Variants in BTBD3 observed in about 807,000 individuals in gnomAD.
BTBD3 encodes BTB domain containing 3.
A neutral mutation model predicts 41.6 loss-of-function variants in BTBD3; 14 were observed. That is an observed-to-expected ratio of 0.34 (90% CI 0.22 to 0.53). The LOEUF is 0.53. Ranked by LOEUF, BTBD3 falls within the 20% of genes least tolerant of loss-of-function variation. The pLI, the probability that BTBD3 is intolerant of heterozygous loss-of-function variation, is 0.95. For synonymous variants in BTBD3, 249 were observed against 233.7 expected (o/e 1.07, Z -0.60); for missense variants, 426 against 654.7 (o/e 0.65, Z 3.81).
chr20:11,918,937 C>G, intron 1 of BTBD3, 149 bp from the exon 2 acceptor site: 1 of 615,784 alleles, frequency 1.6e-6, no homozygotes, highest in Non-Finnish European at 2.8e-6. Flanking sequence ...TGATTATGAA[C>G]AGTTTAGTTA....
Position 11,923,342 on chromosome 20 carries a change from C to T in BTBD3, c.1245C>T (p.Ser415=). Residue 415 remains serine (S), a synonymous_variant, in exon 4 of 4, where the codon TCC becomes TCT. Coordinates refer to ENST00000378226, the MANE Select transcript of BTBD3 (RefSeq NM_014962.4). This position sits in a 1 kb window ranked among gnomAD's most constrained non-coding sequence, Gnocchi z 5.3. ...VFIAGFGLYG[S]SCGSAEYSAK... Reference sequence around the variant, plus strand: ...TTGCTGGCTTTGGGCTGTATGGCTCCAGCTGTGGTTCTGCAGAATACAGTG... The same window carrying T: ...TTGCTGGCTTTGGGCTGTATGGCTCTAGCTGTGGTTCTGCAGAATACAGTG... 3 of 1,614,192 alleles carry T rather than the reference C, an allele frequency of 1.9e-6. No homozygotes were observed. The highest frequency in any genetic ancestry group is 1.1e-5 in the South Asian group (1 of 91,080).
chr20:11,906,332 G>C (rs760527726), intron 1 of BTBD3, among the ~76,000 whole-genome samples: 6 of 130,398 alleles, frequency 4.6e-5, no homozygotes, highest in African/African-American at 1.5e-4. Flanking sequence ...TGGTGTTATC[G>C]GTGCTCACTG....
At chr20:11,897,967 G>A (rs1256728750) in intron 1 of BTBD3, among the ~76,000 whole-genome samples, 3 of 152,034 alleles carry the variant, frequency 2.0e-5, no homozygotes, top group Admixed American at 6.6e-5. Context: ...AGACCAGCCC[G>A]GCCAACATGG....
chr20:11,897,124 T>C (rs1277856263), intron 1 of BTBD3, among the ~76,000 whole-genome samples: 2 of 152,200 alleles, frequency 1.3e-5, no homozygotes, highest in Non-Finnish European at 2.9e-5. Flanking sequence ...GGTTTTCTCT[T>C]CTCACCAGCC....
intron 2 of BTBD3, 197 bp downstream of exon 2, chr20:11,919,373 A>T (rs1015498247): frequency 5.0e-6 from 7 of 1,412,692 alleles, no homozygotes; most frequent in Admixed American, 6.0e-5. Context: ...ACTGCTTTAT[A>T]TCTCACACAT....
chr20:11,919,268 A>G (rs2056944207), intron 2 of BTBD3, 92 bp downstream of exon 2: 2 of 1,388,298 alleles, frequency 1.4e-6, no homozygotes, highest in Non-Finnish European at 2.0e-6. Context: ...CAGCTTGCCG[A>G]TGTCAGGCAG....
chr20:11,898,629 T>C (rs1350244272), intron 1 of BTBD3, among the ~76,000 whole-genome samples: 1 of 152,236 alleles, frequency 6.6e-6, no homozygotes, highest in Non-Finnish European at 1.5e-5. Context: ...AGATGCTCAG[T>C]AAATATTTTT....
chr20:11,905,245 G>A (rs1383337558), intron 1 of BTBD3, among the ~76,000 whole-genome samples: 1 of 152,014 alleles, frequency 6.6e-6, no homozygotes, highest in Non-Finnish European at 1.5e-5. Flanking sequence ...ACCTTAGTCT[G>A]AATAAGCATA....
intron 3 of BTBD3, among the ~76,000 whole-genome samples, chr20:11,921,070 T>C (rs1366628188): frequency 6.6e-6 from 1 of 152,250 alleles, no homozygotes; most frequent in Non-Finnish European, 1.5e-5. Flanking sequence ...AAACCAGTTT[T>C]ACCTGCAAGT....
chr20:11,904,418 C>T (rs1479372878), intron 1 of BTBD3, among the ~76,000 whole-genome samples: 1 of 152,156 alleles, frequency 6.6e-6, no homozygotes, highest in Non-Finnish European at 1.5e-5. Flanking sequence ...GTCCCTCCCT[C>T]AACATTGGGG....
At chr20:11,914,584 C>T (rs949294681), upstream of BTBD3, among the ~76,000 whole-genome samples, 2 of 151,604 alleles carry the variant, frequency 1.3e-5, no homozygotes, top group Non-Finnish European at 2.9e-5. Context: ...TGTAACTAAC[C>T]TGCACATTGT....
chr20:11,912,718 CAT>C (rs1197490052), intron 1 of BTBD3, among the ~76,000 whole-genome samples: 1 of 152,190 alleles, frequency 6.6e-6, no homozygotes, highest in Admixed American at 6.5e-5. Flanking sequence ...TTTCACAAAA[CAT>C]ATAATCTTGC....
chr20:11,897,127 C>T (rs1383151681), intron 1 of BTBD3, among the ~76,000 whole-genome samples: 1 of 152,156 alleles, frequency 6.6e-6, no homozygotes, highest in African/African-American at 2.4e-5. Flanking sequence ...TTTCTCTTCT[C>T]ACCAGCCTAT....
At chr20:11,896,193 A>C (rs551276040) in intron 1 of BTBD3, among the ~76,000 whole-genome samples, 1 of 152,170 alleles carries the variant, frequency 6.6e-6, no homozygotes. Flanking sequence ...ATGACCTTTT[A>C]TCTCTCAGCA....
intron 1 of BTBD3, chr20:11,891,206 G>A: frequency 6.5e-6 from 1 of 153,962 alleles, no homozygotes; most frequent in Non-Finnish European, 1.4e-5. Flanking sequence ...GGGGCGCGTC[G>A]GGCCCGCGCG....
Position 11,917,973 on chromosome 20 carries a change from A to G in BTBD3, c.-303A>G. The G allele has an allele frequency of 9.2e-7, 1 of 1,084,748 alleles. No individual in the cohort carries two copies. Among genetic ancestry groups the G allele is most frequent in the Non-Finnish European group, 1.1e-6 (1 of 893,196 alleles). 67.2% of individuals were successfully genotyped at this position (1,084,748 alleles called of 1,614,324 possible). On this transcript the variant is annotated 5_prime_UTR_variant, in exon 1 of 4. Transcript: ENST00000378226. ...ACCTAATTCAGAAAAGAAGTGCTAC[A>G]GCTCTGTGCCTGTCATCTTTGCAGT...
At chr20:11,913,139 AAACCTCTGTT>A (rs1265153728), upstream of BTBD3, among the ~76,000 whole-genome samples, 1 of 152,244 alleles carries the variant, frequency 6.6e-6, no homozygotes, top group Non-Finnish European at 1.5e-5. Context: ...TACCTTGTTT[AAACCTCTGTT>A]AACCTCACTG....
At position 11,923,450 on chromosome 20, in the gene BTBD3, T is replaced by G. The variant is rs747083671; in HGVS notation, c.1353T>G (p.Phe451Leu). 1 of 1,614,164 alleles carries G rather than the reference T, an allele frequency of 6.2e-7. No individual in the cohort carries two copies. Among genetic ancestry groups the G allele is most frequent in the Non-Finnish European group, 8.5e-7 (1 of 1,180,032 alleles). The change falls in exon 4 of 4, where the codon TTT (phenylalanine) becomes TTG (leucine). Residue 451 changes from phenylalanine (F) to leucine (L), a missense_variant. By Grantham distance (22) the Phe-to-Leu change is conservative (BLOSUM62 0). Coordinates refer to ENST00000378226, the MANE Select transcript of BTBD3 (RefSeq NM_014962.4). This position sits in a 1 kb window ranked among gnomAD's most constrained non-coding sequence, Gnocchi z 5.3. The part of the protein sequence containing the change: ...KYFSDGSSNT[F>L]PVWFEYPVQI... ...TCTCAGATGGGTCCAGCAATACCTT[T>G]CCCGTATGGTTTGAATACCCAGTGC...
chr20:11,906,345 A>G (rs2056854825), intron 1 of BTBD3, among the ~76,000 whole-genome samples: 1 of 129,234 alleles, frequency 7.7e-6, no homozygotes, highest in Admixed American at 9.8e-5. Context: ...GCTCACTGCA[A>G]CCTCTGCCTC....
Sources: gnomAD v4.1 joint callset for allele counts (sites outside exome capture counted in the v4.1 genomes callset) on GRCh38, gnomAD v4.1.1 for gene constraint, Gnocchi (gnomAD v3.1) non-coding constraint, MANE v1.5 for transcripts, NCBI Gene and HGNC (gene_info 2026-07-23, HGNC 2026-07-21) for gene names.